Variants in SPMAP2L observed in about 807,000 individuals in gnomAD.
SPMAP2L encodes sperm microtubule associated protein 2-like.
At chr4:56,537,766 C>T in the SPMAP2L span, among the ~76,000 whole-genome samples, 4 of 151,974 alleles carry the variant, frequency 2.6e-5, no homozygotes, top group East Asian at 3.9e-4. Context: ...GATCTCGGCT[C>T]ACTACAAGCT....
At chr4:56,550,110 G>C in the SPMAP2L span, among the ~76,000 whole-genome samples, 1 of 151,940 alleles carries the variant, frequency 6.6e-6, no homozygotes, top group South Asian at 2.1e-4. Flanking sequence ...TTACATGTAT[G>C]GTTATTATTC....
the SPMAP2L span, among the ~76,000 whole-genome samples, chr4:56,592,637 C>A: frequency 4.6e-5 from 7 of 152,132 alleles, no homozygotes; most frequent in Non-Finnish European, 7.4e-5. Context: ...CGGGCCGGGG[C>A]AGGGGACGGT....
At chr4:56,596,075 G>A in the SPMAP2L span, among the ~76,000 whole-genome samples, 1 of 152,200 alleles carries the variant, frequency 6.6e-6, no homozygotes, top group Non-Finnish European at 1.5e-5. Context: ...TGTTCCAAAA[G>A]AGTCCATGTG....
the SPMAP2L span, chr4:56,552,516 T>C: frequency 8.3e-7 from 1 of 1,208,114 alleles, no homozygotes; most frequent in Non-Finnish European, 1.2e-6. Flanking sequence ...TTCTTAAGCA[T>C]TCTCTTTGAA....
chr4:56,548,481 A>G, the SPMAP2L span, among the ~76,000 whole-genome samples: 1 of 152,166 alleles, frequency 6.6e-6, no homozygotes, highest in East Asian at 1.9e-4. Context: ...TTAATTTTTG[A>G]CACAGAAATT....
the SPMAP2L span, chr4:56,594,911 C>T: frequency 6.2e-7 from 1 of 1,611,646 alleles, no homozygotes. Context: ...GCACCTAAAT[C>T]TTCACAAGAC....
chr4:56,563,767 T>G, the SPMAP2L span, among the ~76,000 whole-genome samples: 1 of 152,156 alleles, frequency 6.6e-6, no homozygotes, highest in East Asian at 1.9e-4. Flanking sequence ...TCCATAGACA[T>G]TATGTACACT....
chr4:56,531,750 A>C, the SPMAP2L span, among the ~76,000 whole-genome samples: 8 of 152,162 alleles, frequency 5.3e-5, no homozygotes, highest in Non-Finnish European at 8.8e-5. Flanking sequence ...TTGGTTATAA[A>C]CATCCTTGCT....
At chr4:56,594,223 T>A in the SPMAP2L span, 1 of 1,607,888 alleles carries the variant, frequency 6.2e-7, no homozygotes, top group South Asian at 1.1e-5. Flanking sequence ...TCCTCACCCA[T>A]CAAGTGTTCA....
the SPMAP2L span, chr4:56,593,482 A>C: frequency 1.3e-6 from 2 of 1,596,198 alleles, no homozygotes; most frequent in Non-Finnish European, 1.7e-6. Flanking sequence ...GGAAGACTTT[A>C]CGGAACTCGT....
the SPMAP2L span, among the ~76,000 whole-genome samples, chr4:56,552,324 T>C: frequency 1.3e-5 from 2 of 152,192 alleles, no homozygotes; most frequent in Non-Finnish European, 2.9e-5. Flanking sequence ...GGTTGCATAA[T>C]TTATTGTGTT....
the SPMAP2L span, among the ~76,000 whole-genome samples, chr4:56,605,985 T>C: frequency 3.5e-4 from 54 of 152,362 alleles, no homozygotes; most frequent in East Asian, 2.1e-3. Context: ...TTTTTACTTC[T>C]GTAGAATTAT....
chr4:56,583,462 G>A, the SPMAP2L span, among the ~76,000 whole-genome samples: 3 of 151,978 alleles, frequency 2.0e-5, no homozygotes, highest in Admixed American at 1.3e-4. Flanking sequence ...TAAATTTTAT[G>A]GTATGTTGAT....
the SPMAP2L span, chr4:56,603,236 T>G: frequency 6.5e-7 from 1 of 1,534,826 alleles, no homozygotes; most frequent in South Asian, 1.2e-5. Flanking sequence ...TGTATTATGA[T>G]CCAGATGTCT....
chr4:56,548,675 A>G, the SPMAP2L span: 4 of 600,472 alleles, frequency 6.7e-6, no homozygotes, highest in South Asian at 1.9e-4. Flanking sequence ...TCAGTTGGCC[A>G]TTTCCCCAAA....
chr4:56,548,960 G>C, the SPMAP2L span: 1 of 444,062 alleles, frequency 2.3e-6, no homozygotes, highest in East Asian at 3.6e-5. Context: ...TTTGTCATAA[G>C]GTCCTTTTCT....
chr4:56,586,030 G>C, the SPMAP2L span, among the ~76,000 whole-genome samples: 5 of 152,150 alleles, frequency 3.3e-5, no homozygotes, highest in Non-Finnish European at 7.3e-5. Context: ...TTTTATGACT[G>C]AGAAATTCTG....
At chr4:56,560,839 G>A in the SPMAP2L span, among the ~76,000 whole-genome samples, 1 of 152,076 alleles carries the variant, frequency 6.6e-6, no homozygotes, top group East Asian at 1.9e-4. Flanking sequence ...TCCACCTCCT[G>A]GGTTCAAGTA....
At chr4:56,564,328 C>T in the SPMAP2L span, among the ~76,000 whole-genome samples, 5 of 151,994 alleles carry the variant, frequency 3.3e-5, no homozygotes, top group South Asian at 6.2e-4. Context: ...TTAGTAGAGA[C>T]GGAGTTTCAC....
Sources: allele counts gnomAD v4.1 joint callset (sites outside exome capture counted in the v4.1 genomes callset), GRCh38; gene constraint gnomAD v4.1.1; transcripts MANE v1.5; gene names NCBI Gene and HGNC (gene_info 2026-07-23, HGNC 2026-07-21).